The following ITGBL1 variants were observed in gnomAD, a reference collection of about 807,000 sequenced individuals.
ITGBL1 encodes the protein integrin subunit beta like 1.
In ITGBL1, 51 loss-of-function variants were observed where a neutral mutation model predicts 68.5. The ratio of observed to expected loss-of-function variants is 0.74; its 90% CI spans 0.59 to 0.94. The LOEUF (loss-of-function observed/expected upper bound fraction) is 0.94, where lower values mean the gene tolerates loss of function less well. Among genes scored for constraint, ITGBL1 ranks in the 40% least tolerant of loss-of-function variants. The pLI is 0.00. For missense variants in ITGBL1, 649 were observed against 647.4 expected (o/e 1.00, Z -0.03); for synonymous variants, 209 against 227.3 (o/e 0.92, Z 0.72).
intron 2 of ITGBL1, among the ~76,000 whole-genome samples, chr13:101,511,448 A>G (rs1057015275): frequency 6.6e-6 from 1 of 152,138 alleles, no homozygotes; most frequent in African/African-American, 2.4e-5. Flanking sequence ...ATGTCACTCC[A>G]GTGATTTTGT....
intron 7 of ITGBL1, among the ~76,000 whole-genome samples, chr13:101,626,198 G>GTCT (rs10657399): frequency 0.81 from 122,709 of 151,834 alleles, 49,740 homozygotes; most frequent in African/African-American, 0.89. Flanking sequence ...GTGATTTGTA[G>GTCT]TCTTCATAGA....
chr13:101,472,554 T>G (rs9300667), intron 2 of ITGBL1, among the ~76,000 whole-genome samples: 17,624 of 152,192 alleles, frequency 0.12, 1,559 homozygotes, highest in East Asian at 0.28. Flanking sequence ...ATTTCTGTTT[T>G]GGGGGTTTTT....
chr13:101,489,825 C>T, intron 2 of ITGBL1: 1 of 599,216 alleles, frequency 1.7e-6, no homozygotes, highest in African/African-American at 1.9e-5. Flanking sequence ...ACTGATCAAA[C>T]TGATAAAATA....
intron 2 of ITGBL1, among the ~76,000 whole-genome samples, chr13:101,467,504 A>G (rs2048398375): frequency 6.6e-6 from 1 of 152,136 alleles, no homozygotes; most frequent in South Asian, 2.1e-4. Flanking sequence ...TGCAAATCTC[A>G]TTTTCTTTGG....
chr13:101,482,528 T>C (rs1263864848), intron 2 of ITGBL1, among the ~76,000 whole-genome samples: 1 of 152,162 alleles, frequency 6.6e-6, no homozygotes, highest in African/African-American at 2.4e-5. Flanking sequence ...GACATTTGAT[T>C]ACAATATGGA....
chr13:101,536,965 C>G lies in ITGBL1; in HGVS notation c.317-30734C>G, dbSNP rs147383114. 2.3e-3 allele frequency among the ~76,000 whole-genome samples: 355 copies of G among 152,122 alleles called. 1 individual carries two copies. Among genetic ancestry groups the G allele is most frequent in the African/African-American group, 7.8e-3 (323 of 41,554 alleles). On this transcript the variant is annotated intron_variant, in intron 2 of 10. Coordinates refer to ENST00000376180, the MANE Select transcript of ITGBL1 (RefSeq NM_004791.3). Reference sequence around the variant, plus strand: ...CATAGATATTCTTTGCTTATCTCTACTTTGAGAAGGATGCTTTTGTCTGTG... The same window carrying G: ...CATAGATATTCTTTGCTTATCTCTAGTTTGAGAAGGATGCTTTTGTCTGTG...
intron 7 of ITGBL1, among the ~76,000 whole-genome samples, chr13:101,641,431 T>C: frequency 6.6e-6 from 1 of 152,094 alleles, no homozygotes; most frequent in Non-Finnish European, 1.5e-5. Flanking sequence ...AAAGTCTCTC[T>C]GATTTTTTGA....
chr13:101,699,980 G>C (rs1178556402), intron 8 of ITGBL1, among the ~76,000 whole-genome samples: 1 of 152,118 alleles, frequency 6.6e-6, no homozygotes, highest in Admixed American at 6.6e-5. Flanking sequence ...GAATGTTCTT[G>C]TCTGGCTTCT....
At chr13:101,656,290 G>T (rs192984778) in intron 7 of ITGBL1, among the ~76,000 whole-genome samples, 4 of 152,246 alleles carry the variant, frequency 2.6e-5, no homozygotes, top group African/African-American at 9.6e-5. Flanking sequence ...ATCTCTTCAG[G>T]ATTGGGAGAA....
chr13:101,705,292 CAA>C (rs66461824), intron 8 of ITGBL1, among the ~76,000 whole-genome samples: 1 of 105,016 alleles, frequency 9.5e-6, no homozygotes, highest in Admixed American at 1.0e-4. Flanking sequence ...ATTTAAAAAG[CAA>C]AAAAAAAAAA....
At chr13:101,499,035 C>T (rs1457990168) in intron 2 of ITGBL1, among the ~76,000 whole-genome samples, 1 of 152,136 alleles carries the variant, frequency 6.6e-6, no homozygotes, top group African/African-American at 2.4e-5. Context: ...TCAATTATCT[C>T]CCTCTCACAA....
chr13:101,553,145 T>C (rs1287212626), intron 2 of ITGBL1, among the ~76,000 whole-genome samples: 1 of 152,224 alleles, frequency 6.6e-6, no homozygotes, highest in Non-Finnish European at 1.5e-5. Flanking sequence ...GGCCTGTTAC[T>C]TAGTGATTGC....
intron 2 of ITGBL1, among the ~76,000 whole-genome samples, chr13:101,480,244 C>A (rs1362015157): frequency 6.6e-6 from 1 of 151,940 alleles, no homozygotes; most frequent in African/African-American, 2.4e-5. Context: ...CATGTCCTCA[C>A]TAAGTTGTGG....
chr13:101,637,412 G>C (rs915617581), intron 7 of ITGBL1, among the ~76,000 whole-genome samples: 45 of 148,396 alleles, frequency 3.0e-4, no homozygotes, highest in Middle Eastern at 3.5e-3. Context: ...GGTGCGATCT[G>C]GGCTCACTGC....
At chr13:101,661,179 C>G (rs2139478908) in intron 7 of ITGBL1, among the ~76,000 whole-genome samples, 1 of 151,502 alleles carries the variant, frequency 6.6e-6, no homozygotes, top group East Asian at 1.9e-4. Context: ...GTCTAAAGTA[C>G]AGATAACTCA....
intron 2 of ITGBL1, among the ~76,000 whole-genome samples, chr13:101,517,904 G>A (rs2049221627): frequency 1.3e-5 from 2 of 152,176 alleles, no homozygotes; most frequent in African/African-American, 4.8e-5. Context: ...TCTGTCCACA[G>A]TGGATCAGTG....
At chr13:101,615,967 C>G (rs1382724503) in intron 7 of ITGBL1, among the ~76,000 whole-genome samples, 3 of 152,128 alleles carry the variant, frequency 2.0e-5, no homozygotes, top group Non-Finnish European at 2.9e-5. Flanking sequence ...GACTCCAGAG[C>G]TGCAAAGCAT....
chr13:101,687,401 A>C (rs1291202052), intron 7 of ITGBL1, among the ~76,000 whole-genome samples: 2 of 152,060 alleles, frequency 1.3e-5, no homozygotes, highest in Non-Finnish European at 2.9e-5. Context: ...TTGTGGGAAA[A>C]TATAAATTTA....
intron 7 of ITGBL1, among the ~76,000 whole-genome samples, chr13:101,608,676 G>A: frequency 6.6e-6 from 1 of 152,008 alleles, no homozygotes; most frequent in East Asian, 1.9e-4. Flanking sequence ...GTAGTACTTT[G>A]AGAAAGCAAG....
Sources: allele counts gnomAD v4.1 joint callset (sites outside exome capture counted in the v4.1 genomes callset), GRCh38; gene constraint gnomAD v4.1.1; transcripts MANE v1.5; gene names NCBI Gene and HGNC (gene_info 2026-07-23, HGNC 2026-07-21).